The following ADGRL2 variants were observed in gnomAD, a reference collection of about 807,000 sequenced individuals.
ADGRL2 encodes the protein adhesion G protein-coupled receptor L2.
In ADGRL2, 44 loss-of-function variants were observed where a neutral mutation model predicts 157.4. That is an observed-to-expected ratio of 0.28 (90% confidence interval 0.22 to 0.36). The LOEUF (loss-of-function observed/expected upper bound fraction) is 0.36. Ranked by LOEUF, ADGRL2 falls within the 10% of genes least tolerant of loss-of-function variation. ADGRL2 has a pLI of 1.00. For missense variants in ADGRL2, 1,510 were observed against 1,768.9 expected (o/e 0.85, Z 2.63); for synonymous variants, 585 against 624.7 (o/e 0.94, Z 0.95).
chr1:81,975,749 G>A (rs767435830), intron 17 of ADGRL2, among the ~76,000 whole-genome samples: 2 of 151,946 alleles, frequency 1.3e-5, no homozygotes, highest in African/African-American at 2.4e-5. Context: ...GCAGCCAGTA[G>A]TTTATTTGAA....
At chr1:81,537,706 CTT>C (rs917229833) in intron 2 of ADGRL2, among the ~76,000 whole-genome samples, 4 of 144,216 alleles carry the variant, frequency 2.8e-5, no homozygotes, top group Admixed American at 1.4e-4. Flanking sequence ...CTTTTTCTCT[CTT>C]TTTTTTTTTA....
intron 3 of ADGRL2, among the ~76,000 whole-genome samples, chr1:81,609,236 C>T (rs1169512316): frequency 6.6e-6 from 1 of 152,024 alleles, no homozygotes. Flanking sequence ...GACTGGGTTT[C>T]ACCATGTTGC....
intron 2 of ADGRL2, among the ~76,000 whole-genome samples, chr1:81,569,913 G>C (rs1382338206): frequency 6.6e-6 from 1 of 152,174 alleles, no homozygotes; most frequent in Non-Finnish European, 1.5e-5. Context: ...ATGCTTCTAA[G>C]ATGCCTCACT....
intron 3 of ADGRL2, among the ~76,000 whole-genome samples, chr1:81,688,050 A>G (rs1318391490): frequency 1.3e-5 from 2 of 152,098 alleles, no homozygotes; most frequent in Non-Finnish European, 2.9e-5. Context: ...TGTTAATCTG[A>G]TAGGTTTTCC....
Position 81,411,987 on chromosome 1 carries a change from A to G in ADGRL2, c.-301-33049A>G, listed in dbSNP as rs1342001317. On this transcript the variant is annotated intron_variant, in intron 1 of 24. Transcript: ENST00000370721. ...GCTCTTAGACATCTCTTCAAAAAGG[A>G]TCATCAGTAAGATCATTTTAACCAA... is the stretch of plus-strand genomic sequence containing the variant. Among the ~76,000 whole-genome samples the G allele has an allele frequency of 5.3e-5, 8 of 152,160 alleles. No homozygotes were observed. In the East Asian group the frequency reaches 1.5e-3, roughly 29 times the overall value.
intron 2 of ADGRL2, among the ~76,000 whole-genome samples, chr1:81,486,035 A>T (rs2078493469): frequency 6.6e-6 from 1 of 152,210 alleles, no homozygotes; most frequent in Non-Finnish European, 1.5e-5. Context: ...CTGTGCTAAT[A>T]TTCTTGTAAA....
rs76319108 is a variant in ADGRL2 at position 81,341,993 on chromosome 1, T to A, written c.-302+35484T>A. Among the ~76,000 whole-genome samples, 283 of 152,284 alleles carry A rather than the reference T, an allele frequency of 1.9e-3. 1 individual carries two copies. Among genetic ancestry groups the A allele is most frequent in the African/African-American group, 6.8e-3 (281 of 41,568 alleles). ...GTGGTTACTATTTTTCAGACAAATG[T>A]ATTCAATGCAGACTGTGAAACTGAC... On this transcript the variant is annotated intron_variant, in intron 1 of 24. Coordinates refer to the ADGRL2 transcript ENST00000370721.
chr1:81,663,069 A>G, intron 3 of ADGRL2, among the ~76,000 whole-genome samples: 1 of 12,854 alleles, frequency 7.8e-5, no homozygotes, highest in African/African-American at 3.1e-4. Flanking sequence ...CACCCCCACC[A>G]TTCCCCCTAA....
At chr1:81,936,508 A>G (rs2095312864) in intron 3 of ADGRL2, among the ~76,000 whole-genome samples, 2 of 151,972 alleles carry the variant, frequency 1.3e-5, no homozygotes, top group African/African-American at 4.8e-5. Flanking sequence ...TTTTACTTCT[A>G]GTTAAAATTT....
intron 2 of ADGRL2, among the ~76,000 whole-genome samples, chr1:81,777,030 T>A (rs892119378): frequency 3.9e-5 from 6 of 152,182 alleles, no homozygotes; most frequent in African/African-American, 1.4e-4. Context: ...AATATAAAAA[T>A]TTTCAGGCTA....
chr1:81,518,505 G>C (rs1342780468), intron 2 of ADGRL2, among the ~76,000 whole-genome samples: 1 of 152,172 alleles, frequency 6.6e-6, no homozygotes, highest in Non-Finnish European at 1.5e-5. Context: ...CTACTTCTCA[G>C]GTGAGAGTCT....
chr1:81,692,652 A>G (rs1489500593), intron 3 of ADGRL2, among the ~76,000 whole-genome samples: 1 of 152,228 alleles, frequency 6.6e-6, no homozygotes, highest in African/African-American at 2.4e-5. Context: ...GTGTTTATCT[A>G]AAGATGATTT....
At chr1:81,585,639 C>T (rs1462256175) in intron 3 of ADGRL2, among the ~76,000 whole-genome samples, 2 of 152,014 alleles carry the variant, frequency 1.3e-5, no homozygotes, top group African/African-American at 2.4e-5. Context: ...AAGTCTTGAC[C>T]AGTAGCTGAC....
At chr1:81,710,571 G>A (rs2083892150) in intron 1 of ADGRL2, among the ~76,000 whole-genome samples, 1 of 145,010 alleles carries the variant, frequency 6.9e-6, no homozygotes, top group South Asian at 2.2e-4. Flanking sequence ...AGTGAGCTGA[G>A]ATCACACCAC....
At chr1:81,880,142 C>T (rs1274526845) in intron 2 of ADGRL2, among the ~76,000 whole-genome samples, 1 of 152,174 alleles carries the variant, frequency 6.6e-6, no homozygotes, top group Non-Finnish European at 1.5e-5. Context: ...GTGTCTAAAG[C>T]GATGTCCTAC....
At chr1:81,633,682 T>A (rs551927082) in intron 3 of ADGRL2, among the ~76,000 whole-genome samples, 1 of 147,312 alleles carries the variant, frequency 6.8e-6, no homozygotes, top group East Asian at 2.2e-4. Flanking sequence ...AGCACCACCA[T>A]CTAACCAGTT....
intron 3 of ADGRL2, among the ~76,000 whole-genome samples, chr1:81,658,251 G>A (rs888914054): frequency 3.3e-5 from 5 of 151,760 alleles, no homozygotes; most frequent in African/African-American, 9.7e-5. Flanking sequence ...ACGTGCCACC[G>A]CGCTCAGCTA....
chr1:81,645,724 T>C (rs1421420911), intron 3 of ADGRL2, among the ~76,000 whole-genome samples: 2 of 152,204 alleles, frequency 1.3e-5, no homozygotes, highest in South Asian at 2.1e-4. Flanking sequence ...TGTCATGATA[T>C]GAATGTACCT....
At chr1:81,763,522 G>T (rs1261279300) in intron 2 of ADGRL2, among the ~76,000 whole-genome samples, 1 of 149,820 alleles carries the variant, frequency 6.7e-6, no homozygotes, top group East Asian at 2.0e-4. Flanking sequence ...CCAGGAGGCG[G>T]AGGTTGCAGT....
Sources: gnomAD v4.1 joint callset for allele counts (sites outside exome capture counted in the v4.1 genomes callset) on GRCh38, gnomAD v4.1.1 for gene constraint, MANE v1.5 for transcripts, NCBI Gene and HGNC (gene_info 2026-07-23, HGNC 2026-07-21) for gene names.